Variants in EXD3 observed in about 807,000 individuals in gnomAD.
EXD3 encodes exonuclease mut-7 homolog.
In EXD3, 92 loss-of-function variants were observed where a neutral mutation model predicts 98.0. The observed-to-expected ratio is 0.94, with a 90% CI of 0.79 to 1.12. The LOEUF (loss-of-function observed/expected upper bound fraction) is 1.12. Among genes scored for constraint, EXD3 ranks in the 50% most tolerant of loss-of-function variants. The pLI, the probability that EXD3 is intolerant of heterozygous loss-of-function variation, is 0.00. For synonymous variants in EXD3, 569 were observed against 526.0 expected, an observed-to-expected ratio of 1.08 and a Z score of -1.12; for missense variants, 1,222 against 1,191.6, an observed-to-expected ratio of 1.03 and a Z score of -0.38.
chr9:137,373,447 C>A lies in EXD3; in HGVS notation c.273G>T (p.Gln91His). The change falls in exon 4 of 22, where the codon CAG becomes CAT. Residue 91 changes from glutamine to histidine, a missense_variant. Transcript: ENST00000340951. ...SHQLQCWLQAQPCPSLAQHSL... is the reference protein window; with the variant it reads ...SHQLQCWLQAHPCPSLAQHSL... ...TCACCTGGGCCAGGCTCGGGCATGG[C>A]TGTGCCTGTAGCCAGCACTGCAGCT... 6.2e-7 allele frequency: 1 copy of A among 1,608,684 alleles called. No individual in the cohort carries two copies. Among genetic ancestry groups the A allele is most frequent in the East Asian group, 2.2e-5 (1 of 44,838 alleles).
At chr9:137,379,055 C>T (rs1415851768) in intron 3 of EXD3, among the ~76,000 whole-genome samples, 1 of 75,334 alleles carries the variant, frequency 1.3e-5, no homozygotes, top group Non-Finnish European at 2.5e-5. Flanking sequence ...GGGAATGGGG[C>T]GTCTGTGTGA....
intron 17 of EXD3, among the ~76,000 whole-genome samples, chr9:137,327,314 T>C (rs964248093): frequency 1.3e-5 from 2 of 152,118 alleles, no homozygotes; most frequent in Non-Finnish European, 2.9e-5. Context: ...TTTGTATTTC[T>C]AATAGAGACA....
chr9:137,389,237 C>T (rs763364967), intron 2 of EXD3, among the ~76,000 whole-genome samples: 4 of 152,174 alleles, frequency 2.6e-5, no homozygotes, highest in African/African-American at 4.8e-5. Flanking sequence ...CCAAGCCCGG[C>T]GGACAGCGTG....
In EXD3 at chr9:137,395,436, G is replaced by T. The variant is rs997329196; in HGVS notation, c.-47-32C>A. The T allele has an allele frequency of 2.5e-6, 4 of 1,598,410 alleles. No individual in the cohort carries two copies. Among genetic ancestry groups the T allele is most frequent in the Non-Finnish European group, 2.6e-6 (3 of 1,168,476 alleles). ...AAACAGACAATCAGGTGAATGCAGA[G>T]CCCACTGCAACAGGCAGCCATGCAG... On this transcript the variant is annotated intron_variant, in intron 1 of 21. Coordinates refer to ENST00000340951, the MANE Select transcript of EXD3 (RefSeq NM_017820.5). This position sits in a 1 kb window ranked among gnomAD's most constrained non-coding sequence, Gnocchi z 6.5.
chr9:137,319,358 G>A (rs1228247216), intron 19 of EXD3, among the ~76,000 whole-genome samples: 1 of 152,212 alleles, frequency 6.6e-6, no homozygotes, highest in African/African-American at 2.4e-5. Flanking sequence ...TGTTTTGCCC[G>A]TGCCTACCTC....
At chr9:137,382,700 C>T (rs571073953) in intron 3 of EXD3, among the ~76,000 whole-genome samples, 1 of 152,218 alleles carries the variant, frequency 6.6e-6, no homozygotes, top group South Asian at 2.1e-4. Context: ...GGATGTGGCA[C>T]TCAGAGGAGC....
At chr9:137,417,680 A>G (rs1250117102) in intron 1 of EXD3, among the ~76,000 whole-genome samples, 1 of 152,178 alleles carries the variant, frequency 6.6e-6, no homozygotes, top group Non-Finnish European at 1.5e-5. Context: ...GCGGCGGAGC[A>G]GCTTCCGCCA....
intron 19 of EXD3, 29 bp from the exon 20 acceptor site, chr9:137,309,729 A>G (rs1179691640): frequency 6.6e-7 from 1 of 1,525,596 alleles, no homozygotes; most frequent in Non-Finnish European, 8.9e-7. Context: ...GCTGAGGCCC[A>G]GGCGGGGCTT....
intron 2 of EXD3, among the ~76,000 whole-genome samples, chr9:137,387,313 C>T (rs1042128228): frequency 6.6e-6 from 1 of 152,174 alleles, no homozygotes; most frequent in Non-Finnish European, 1.5e-5. Context: ...CCAGCCATTC[C>T]AGGGCCAGCC....
intron 10 of EXD3, 75 bp from the exon 11 acceptor site, chr9:137,352,861 G>A (rs749872540): frequency 3.6e-5 from 54 of 1,500,470 alleles, no homozygotes; most frequent in Non-Finnish European, 4.3e-5. Context: ...AGGGACCCCC[G>A]TAGACCCCGA....
At chr9:137,389,624 T>C (rs1217133340) in intron 2 of EXD3, among the ~76,000 whole-genome samples, 1 of 151,934 alleles carries the variant, frequency 6.6e-6, no homozygotes, top group African/African-American at 2.4e-5. Flanking sequence ...AGTGAGTACG[T>C]CGAGGTGCTG....
rs1374638494 is a variant in EXD3, at chr9:137,407,414, C to A, written c.-47-12010G>T. ...GAGGTCCTGGCCCCCAAGGGGCCATCTGCCCCCGGCTCACCGCAGGCCCTT... is the reference window on the plus strand; with the variant it reads ...GAGGTCCTGGCCCCCAAGGGGCCATATGCCCCCGGCTCACCGCAGGCCCTT... On this transcript the variant is annotated intron_variant, in intron 1 of 21. Coordinates refer to ENST00000340951, the MANE Select transcript of EXD3 (RefSeq NM_017820.5). This position sits in a 1 kb window ranked among gnomAD's most constrained non-coding sequence, Gnocchi z 4.4. Among the ~76,000 whole-genome samples the A allele has an allele frequency of 6.6e-6, 1 of 152,228 alleles. No individual in the cohort carries two copies. Among genetic ancestry groups the A allele is most frequent in the Non-Finnish European group, 1.5e-5 (1 of 68,036 alleles).
At chr9:137,316,458 C>G (rs924846886) in intron 19 of EXD3, among the ~76,000 whole-genome samples, 8 of 152,202 alleles carry the variant, frequency 5.3e-5, no homozygotes, top group African/African-American at 1.7e-4. Flanking sequence ...CCGCGCGCCC[C>G]GGGCGTGCCC....
intron 1 of EXD3, among the ~76,000 whole-genome samples, chr9:137,406,015 T>G (rs1270277154): frequency 6.7e-6 from 1 of 150,364 alleles, no homozygotes; most frequent in African/African-American, 2.4e-5. Context: ...AGCTCAGGAG[T>G]TTGAGACCAG....
At chr9:137,377,682 C>T (rs183447180) in intron 3 of EXD3, among the ~76,000 whole-genome samples, 2 of 146,266 alleles carry the variant, frequency 1.4e-5, no homozygotes, top group East Asian at 4.1e-4. Flanking sequence ...GATTGCGCCA[C>T]TGCACTCCAG....
In EXD3 at chr9:137,339,563, G is replaced by A. The variant is rs553281994; in HGVS notation, c.1998+8508C>T. ...ATGTATTAAGAAGGGTAATATGCGG[G>A]ACCAAGTTGAATTTAACCCAGGAAA... On this transcript the variant is annotated intron_variant, in intron 17 of 21. Transcript: ENST00000340951. Among the ~76,000 whole-genome samples, 3 of 151,240 alleles carry A rather than the reference G, an allele frequency of 2.0e-5. No homozygotes were observed. The South Asian group carries it at 6.3e-4, about 32-fold the overall frequency.
intron 1 of EXD3, among the ~76,000 whole-genome samples, chr9:137,396,053 C>T (rs1254750515): frequency 6.6e-5 from 10 of 152,038 alleles, no homozygotes; most frequent in South Asian, 2.1e-4. Flanking sequence ...CTGCAACCTC[C>T]GCCTTCCGGG....
At chr9:137,410,216 G>A (rs575885359) in intron 1 of EXD3, among the ~76,000 whole-genome samples, 1 of 151,962 alleles carries the variant, frequency 6.6e-6, no homozygotes, top group East Asian at 1.9e-4. Context: ...TGGGCACAGT[G>A]GCTCATGCCT....
intron 4 of EXD3, 61 bp from the exon 5 acceptor site, chr9:137,373,133 G>A (rs531155401): frequency 1.3e-5 from 19 of 1,494,472 alleles, no homozygotes; most frequent in Middle Eastern, 2.0e-4. Context: ...CCATGGGGCC[G>A]ATTGAGGCAG....
Sources: allele counts gnomAD v4.1 joint callset (sites outside exome capture counted in the v4.1 genomes callset), GRCh38; gene constraint gnomAD v4.1.1; non-coding constraint Gnocchi (gnomAD v3.1); transcripts MANE v1.5; gene names NCBI Gene and HGNC (gene_info 2026-07-23, HGNC 2026-07-21).